The following DENND2A variants were observed in gnomAD, a reference collection of about 807,000 sequenced individuals.
DENND2A encodes the protein DENN domain containing 2A.
In DENND2A, 53 loss-of-function variants were observed where a neutral mutation model predicts 105.3. The observed-to-expected ratio is 0.50, with a 90% confidence interval of 0.40 to 0.63. DENND2A has a LOEUF of 0.63. Ranked by LOEUF, DENND2A falls within the 30% of genes least tolerant of loss-of-function variation. The pLI is 0.00. For missense variants in DENND2A, 1,138 were observed against 1,279.6 expected, an observed-to-expected ratio of 0.89 and a Z score of 1.69; for synonymous variants, 522 against 508.4, an observed-to-expected ratio of 1.03 and a Z score of -0.36.
rs547210754 is a variant in DENND2A at position 140,640,751 on chromosome 7, C to G, written c.-495G>C. 1 of 148,794 alleles carries G rather than the reference C, an allele frequency of 6.7e-6. No homozygotes were observed. Among genetic ancestry groups the G allele is most frequent in the Non-Finnish European group, 1.5e-5 (1 of 67,062 alleles). 9.2% of individuals were successfully genotyped at this position (148,794 alleles called of 1,614,324 possible). On this transcript the variant is annotated 5_prime_UTR_variant, in exon 1 of 20. Coordinates refer to ENST00000496613, the MANE Select transcript of DENND2A (RefSeq NM_015689.5). The surrounding 1 kb of genome is among the most constrained non-coding windows in gnomAD (Gnocchi z 4.9). ...GCCCCAGCGGCGCGCTTCCCTCGGC[C>G]GGCCCAGCGCAGGCTCGCCCGCGGC... is the stretch of plus-strand genomic sequence containing the variant.
chr7:140,566,831 G>A (rs2130592081), intron 9 of DENND2A, among the ~76,000 whole-genome samples: 1 of 152,042 alleles, frequency 6.6e-6, no homozygotes, highest in East Asian at 1.9e-4. Context: ...CTGCAGGTGT[G>A]CGCCACCATG....
chr7:140,546,924 C>T lies in DENND2A; in HGVS notation c.2053G>A (p.Glu685Lys). 6.2e-7 allele frequency: 1 copy of T among 1,613,414 alleles called. No individual in the cohort carries two copies. The highest frequency in any genetic ancestry group is 8.5e-7 in the Non-Finnish European group (1 of 1,179,584). ...GCAGGAGAGATGCCTCGTCTTTTTT[C>T]CACCTCATCCAAGATCTGCAAGGGT... is the stretch of plus-strand genomic sequence containing the variant. ...SLFSRILDEV[E>K]KRRGISPALV... Residue 685 changes from glutamate to lysine, a missense_variant, in exon 13 of 20, where the codon GAA becomes AAA. Physicochemically the swap from Glu to Lys is moderately conservative, Grantham distance 56. This residue lies in a region of DENND2A where 627 missense variants were observed against 779.8 expected (regional missense o/e 0.80). Transcript: ENST00000496613.
chr7:140,526,530 G>A (rs961704213), intron 15 of DENND2A, among the ~76,000 whole-genome samples: 2 of 152,144 alleles, frequency 1.3e-5, no homozygotes, highest in African/African-American at 4.8e-5. Context: ...GCCCAGGAGC[G>A]GAGGGCCACC....
chr7:140,566,064 G>A (rs2109926), intron 9 of DENND2A, among the ~76,000 whole-genome samples: 74,586 of 152,058 alleles, frequency 0.49, 19,789 homozygotes, highest in African/African-American at 0.69. Context: ...TGTCTATGGA[G>A]TAGCCATTCT....
intron 1 of DENND2A, among the ~76,000 whole-genome samples, chr7:140,620,393 A>G (rs949429399): frequency 1.3e-5 from 2 of 152,042 alleles, no homozygotes; most frequent in Non-Finnish European, 2.9e-5. Flanking sequence ...AACTGCACAC[A>G]AAAGAAAATG....
intron 1 of DENND2A, among the ~76,000 whole-genome samples, chr7:140,615,055 C>T (rs937688356): frequency 1.3e-5 from 2 of 151,962 alleles, no homozygotes; most frequent in Non-Finnish European, 2.9e-5. Flanking sequence ...TTTGTCGGGA[C>T]AGTGTTTCAC....
intron 14 of DENND2A, among the ~76,000 whole-genome samples, chr7:140,540,696 G>A (rs1042988314): frequency 1.3e-5 from 2 of 152,100 alleles, no homozygotes; most frequent in African/African-American, 4.8e-5. Flanking sequence ...GACGTCACTG[G>A]GGCAGGCATT....
At chr7:140,593,493 G>T (rs1443743015) in intron 3 of DENND2A, among the ~76,000 whole-genome samples, 1 of 152,202 alleles carries the variant, frequency 6.6e-6, no homozygotes, top group African/African-American at 2.4e-5. Flanking sequence ...GTCGTATTTT[G>T]AATGTTCTTC....
At chr7:140,635,149 G>C (rs1056401788) in intron 1 of DENND2A, among the ~76,000 whole-genome samples, 1 of 151,866 alleles carries the variant, frequency 6.6e-6, no homozygotes, top group Non-Finnish European at 1.5e-5. Flanking sequence ...TATAGTCCCC[G>C]CTACTCAAGA....
intron 14 of DENND2A, among the ~76,000 whole-genome samples, chr7:140,531,715 TGAGGCAG>T (rs1216741994): frequency 6.6e-6 from 1 of 151,598 alleles, no homozygotes; most frequent in East Asian, 1.9e-4. Flanking sequence ...CTCAGGAGGC[TGAGGCAG>T]GAGAATCGCT....
chr7:140,601,428 T>A lies in DENND2A; in HGVS notation c.970A>T (p.Arg324Ter). 1 of 1,605,980 alleles carries A rather than the reference T, an allele frequency of 6.2e-7. No homozygotes were observed. Among genetic ancestry groups the A allele is most frequent in the Non-Finnish European group, 8.5e-7 (1 of 1,176,482 alleles). The change falls in exon 3 of 20, where the codon AGA (arginine) becomes TGA (stop). Residue 324 changes from arginine (R) to a stop codon, truncating the protein, a stop_gained. Transcript: ENST00000496613. LOFTEE classifies it high-confidence loss of function. ...CTGTGGTCTGCACTGGATTTCTGTC[T>A]CCCGGTCCACAGTCTTCTGTTCACA... ...SSVNRRLWTG[R>*]QKSSADHRKS... is the part of the protein sequence containing the mutation.
intron 6 of DENND2A, among the ~76,000 whole-genome samples, chr7:140,569,948 G>C (rs1484471063): frequency 1.3e-5 from 2 of 152,020 alleles, no homozygotes; most frequent in Non-Finnish European, 2.9e-5. Flanking sequence ...AGACTGGGGT[G>C]CAATGGCGCA....
intron 1 of DENND2A, among the ~76,000 whole-genome samples, chr7:140,606,773 C>T (rs1288686549): frequency 6.6e-6 from 1 of 152,160 alleles, no homozygotes; most frequent in South Asian, 2.1e-4. Flanking sequence ...ATAGCAAGGC[C>T]TGTGTGGATA....
intron 7 of DENND2A, among the ~76,000 whole-genome samples, 172 bp downstream of exon 7, chr7:140,569,473 G>A (rs1797999683): frequency 6.6e-6 from 1 of 152,220 alleles, no homozygotes; most frequent in African/African-American, 2.4e-5. Flanking sequence ...GGGACATGCT[G>A]CCCCGGCTGA....
At chr7:140,537,510 C>T (rs1796492694) in intron 14 of DENND2A, among the ~76,000 whole-genome samples, 1 of 152,210 alleles carries the variant, frequency 6.6e-6, no homozygotes, top group Non-Finnish European at 1.5e-5. Context: ...GTGGTGCAGT[C>T]ATAGCTCACT....
chr7:140,594,155 C>A (rs1306216807), intron 3 of DENND2A, among the ~76,000 whole-genome samples: 3 of 152,112 alleles, frequency 2.0e-5, no homozygotes. Flanking sequence ...TGATCCACCC[C>A]CTTCAGACTC....
rs893437763 is a variant in DENND2A, at chr7:140,585,617, G to T, written c.1217C>A (p.Thr406Asn). 6.2e-7 allele frequency: 1 copy of T among 1,614,138 alleles called. No individual in the cohort carries two copies. The highest frequency in any genetic ancestry group is 1.3e-5 in the African/African-American group (1 of 75,032). The change falls in exon 5 of 20, where the codon ACC (threonine) becomes AAC (asparagine). Residue 406 changes from threonine to asparagine, a missense_variant. Thr to Asn is a moderately conservative substitution (Grantham distance 65). Coordinates refer to ENST00000496613, the MANE Select transcript of DENND2A (RefSeq NM_015689.5). ...GGTGAGTGTGTCAGGGATGGAAGAG[G>T]TGGGAGAAGCAGGAAAATTCAAGAC... ...KCVLNFPASP[T>N]SSIPDTLTKQ...
chr7:140,529,687 G>A (rs1055766078), intron 14 of DENND2A, among the ~76,000 whole-genome samples: 4 of 151,690 alleles, frequency 2.6e-5, no homozygotes, highest in East Asian at 1.9e-4. Context: ...GCAAACTATC[G>A]CAAGAACAAA....
chr7:140,629,251 C>T (rs1036007968), intron 1 of DENND2A, among the ~76,000 whole-genome samples: 3 of 152,080 alleles, frequency 2.0e-5, no homozygotes, highest in African/African-American at 7.2e-5. Context: ...CATTCGAACA[C>T]GGTGGCAAAT....
Sources: gnomAD v4.1 joint callset for allele counts (sites outside exome capture counted in the v4.1 genomes callset) on GRCh38, gnomAD v4.1.1 for gene constraint, gnomAD v4.1.1 regional missense constraint, Gnocchi (gnomAD v3.1) non-coding constraint, MANE v1.5 for transcripts, NCBI Gene and HGNC (gene_info 2026-07-23, HGNC 2026-07-21) for gene names.